SFI1: variants seen among roughly 807,000 people sequenced by gnomAD.
SFI1 encodes the protein SFI1 centrin binding protein.
In SFI1, 195 loss-of-function variants were observed where a neutral mutation model predicts 207.5. The observed-to-expected ratio is 0.94, with a 90% confidence interval of 0.84 to 1.06. SFI1 has a LOEUF of 1.06. Among genes scored for constraint, SFI1 ranks in the 50% least tolerant of loss-of-function variants. The pLI, the probability that SFI1 is intolerant of heterozygous loss-of-function variation, is 0.00. For missense variants in SFI1, 1,634 were observed against 1,588.0 expected (o/e 1.03, Z -0.49); for synonymous variants, 630 against 598.9 (o/e 1.05, Z -0.76).
intron 8 of SFI1, among the ~76,000 whole-genome samples, chr22:31,563,255 A>G (rs2061915040): frequency 6.6e-6 from 1 of 151,470 alleles, no homozygotes; most frequent in Non-Finnish European, 1.5e-5. Context: ...AGCCTCCCAA[A>G]GTGCTGGGAT....
At chr22:31,515,302 T>C (rs1236493287) in intron 2 of SFI1, among the ~76,000 whole-genome samples, 1 of 150,670 alleles carries the variant, frequency 6.6e-6, no homozygotes, top group African/African-American at 2.4e-5. Flanking sequence ...ACTAATCTGG[T>C]AGGTATGTCT....
At chr22:31,532,101 T>C (rs2147422027) in intron 4 of SFI1, among the ~76,000 whole-genome samples, 1 of 151,860 alleles carries the variant, frequency 6.6e-6, no homozygotes, top group South Asian at 2.1e-4. Context: ...TAAAAAAGAA[T>C]CATACTTAAG....
At chr22:31,616,708 C>T (rs761638456) in intron 29 of SFI1, 37 bp from the exon 30 acceptor site, 1 of 1,506,152 alleles carries the variant, frequency 6.6e-7, no homozygotes, top group African/African-American at 1.4e-5. Flanking sequence ...TTCCTCCTAG[C>T]TTCCTTGCTC....
intron 8 of SFI1, among the ~76,000 whole-genome samples, chr22:31,566,910 TTTTTTTTTTCTTTTG>T: frequency 1.4e-5 from 2 of 147,350 alleles, no homozygotes; most frequent in African/African-American, 4.9e-5. Flanking sequence ...CTATTAGGAA[TTTTTTTTTTCTTTTG>T]AGACATGTCT....
chr22:31,593,361 C>T lies in SFI1; in HGVS notation c.1544+3784C>T, dbSNP rs1483834514. On this transcript the variant is annotated intron_variant, in intron 15 of 32. Transcript: ENST00000400288. ...GGCGCTCCTCACATCCCAGATGGGA[C>T]GGCGGGGCAGAGGCGCTCCCCACAT... Among the ~76,000 whole-genome samples the T allele has an allele frequency of 8.8e-5, 12 of 136,026 alleles. 1 individual carries two copies. The highest frequency in any genetic ancestry group is 4.5e-4 in the East Asian group (2 of 4,456). The allele number at this position is 136,026 out of a possible 152,430, so 89.2% of individuals were successfully genotyped here. A position where few individuals can be genotyped will look rare whatever the true frequency, so the allele number is the denominator to read the frequency against.
rs747099863 is a variant in SFI1 at position 31,545,510 on chromosome 22, A to AT, written c.339-1342dup. ...GTAATACAGTAAGACATTGTCACAC[A>AT]TTTTTTTTTCTTATTTTTTGGGTAG... On this transcript the variant is annotated intron_variant, in intron 4 of 32. Coordinates refer to ENST00000400288, the MANE Select transcript of SFI1 (RefSeq NM_001007467.3). Among the ~76,000 whole-genome samples, 12 of 151,022 alleles carry AT rather than the reference A, an allele frequency of 7.9e-5. No homozygotes were observed. In the South Asian group the frequency reaches 8.4e-4, roughly 11 times the overall value.
rs370443385 is a variant in SFI1 at position 31,572,901 on chromosome 22, C to T, written c.766-157C>T. On this transcript the variant is annotated intron_variant, in intron 8 of 32. Coordinates refer to ENST00000400288, the MANE Select transcript of SFI1 (RefSeq NM_001007467.3). ...CCCTCTTAAAGACCCTTTTACCCCA[C>T]GGTCCCATAGCTTATCATCCTGCTA... The T allele has an allele frequency of 6.3e-4, 402 of 636,362 alleles. 1 individual carries two copies. Among genetic ancestry groups the T allele is most frequent in the Non-Finnish European group, 7.2e-5 (27 of 373,400 alleles). The allele number at this position is 636,362 out of a possible 1,614,324, so 39.4% of individuals were successfully genotyped here.
At chr22:31,568,635 A>G (rs1602941454) in intron 8 of SFI1, among the ~76,000 whole-genome samples, 2 of 151,810 alleles carry the variant, frequency 1.3e-5, no homozygotes, top group South Asian at 2.1e-4. Context: ...TCCCACTAAT[A>G]GGAACCAGGG....
intron 8 of SFI1, among the ~76,000 whole-genome samples, chr22:31,561,703 T>G (rs2061721032): frequency 6.6e-6 from 1 of 152,228 alleles, no homozygotes; most frequent in African/African-American, 2.4e-5. Context: ...CGTTGCTGTT[T>G]TCCTACAGCA....
chr22:31,532,745 G>A (rs2058642948), intron 4 of SFI1, among the ~76,000 whole-genome samples: 3 of 152,152 alleles, frequency 2.0e-5, no homozygotes, highest in African/African-American at 7.2e-5. Context: ...GCCAGGTCTA[G>A]GTCCATTCTG....
At position 31,611,979 on chromosome 22, in the gene SFI1, C is replaced by T. The variant is rs2070236766; in HGVS notation, c.2490+139C>T. The T allele has an allele frequency of 8.3e-6, 12 of 1,442,338 alleles. No homozygotes were observed. In the South Asian group the frequency reaches 1.6e-4, roughly 19 times the overall value. The allele number at this position is 1,442,338 out of a possible 1,614,324, so 89.3% of individuals were successfully genotyped here. A position where few individuals can be genotyped will look rare whatever the true frequency, so the allele number is the denominator to read the frequency against. ...CCCTCCCCAGGGCCACCTCCTCTAC[C>T]ACCTTCCTGTCATTTCCAGGCACAT... On this transcript the variant is annotated intron_variant, in intron 24 of 32. Coordinates refer to ENST00000400288, the MANE Select transcript of SFI1 (RefSeq NM_001007467.3).
chr22:31,596,636 C>CA (rs1240684157), intron 15 of SFI1, among the ~76,000 whole-genome samples: 2 of 151,790 alleles, frequency 1.3e-5, no homozygotes, highest in African/African-American at 4.8e-5. Flanking sequence ...ACTAAAAATA[C>CA]AAAAATTGGC....
Position 31,616,878 on chromosome 22 carries a change from G to A in SFI1, c.3433+1G>A, listed in dbSNP as rs2071616655. On this transcript the variant is annotated splice_donor_variant, in intron 30 of 32. Transcript: ENST00000400288. LOFTEE classifies it high-confidence loss of function. Reference sequence around the variant, plus strand: ...GCTGGGCCTGGACTTTCAACTGCAGGTGTGTACCTGGGGCCTGTCAGGGCA... The same window carrying A: ...GCTGGGCCTGGACTTTCAACTGCAGATGTGTACCTGGGGCCTGTCAGGGCA... The A allele has an allele frequency of 1.9e-6, 3 of 1,609,842 alleles. No individual in the cohort carries two copies. Among genetic ancestry groups the A allele is most frequent in the Non-Finnish European group, 2.5e-6 (3 of 1,177,814 alleles).
At chr22:31,514,570 CT>C (rs2056203633) in intron 2 of SFI1, among the ~76,000 whole-genome samples, 1 of 150,646 alleles carries the variant, frequency 6.6e-6, no homozygotes, top group Admixed American at 6.6e-5. Context: ...GCTTTGTGTC[CT>C]TTGATTACCA....
Position 31,618,233 on chromosome 22 carries a change from C to T in SFI1, c.3624+7C>T, listed in dbSNP as rs1460642046. 4 of 1,595,024 alleles carry T rather than the reference C, an allele frequency of 2.5e-6. No homozygotes were observed. The South Asian group carries it at 3.4e-5, about 14-fold the overall frequency. On this transcript the variant is annotated splice_region_variant and intron_variant, in intron 32 of 32. Coordinates refer to ENST00000400288, the MANE Select transcript of SFI1 (RefSeq NM_001007467.3). Reference sequence around the variant, plus strand: ...GCAGAAAGAGCTGGAACAGGTGAGGCCCCAGGCCATCCCCAGGTGTCCCTG... The same window carrying T: ...GCAGAAAGAGCTGGAACAGGTGAGGTCCCAGGCCATCCCCAGGTGTCCCTG...
chr22:31,500,522 A>G (rs1166873131), intron 1 of SFI1, among the ~76,000 whole-genome samples: 3 of 152,084 alleles, frequency 2.0e-5, no homozygotes, highest in African/African-American at 7.2e-5. Flanking sequence ...CATTGGCATG[A>G]TCTTGGCTCA....
In SFI1 at chr22:31,535,162, C is replaced by T. The variant is rs533695506; in HGVS notation, c.338+4033C>T. On this transcript the variant is annotated intron_variant, in intron 4 of 32. Coordinates refer to ENST00000400288, the MANE Select transcript of SFI1 (RefSeq NM_001007467.3). Reference sequence around the variant, plus strand: ...GATTACAGGCATGAGCCACGGTGCCCGGCCTCAAATGCTTTTTTATTGCTT... The same window carrying T: ...GATTACAGGCATGAGCCACGGTGCCTGGCCTCAAATGCTTTTTTATTGCTT... Among the ~76,000 whole-genome samples, 537 of 149,428 alleles carry T rather than the reference C, an allele frequency of 3.6e-3. 1 individual carries two copies. Among genetic ancestry groups the T allele is most frequent in the African/African-American group, 0.012 (489 of 40,590 alleles).
At chr22:31,593,162 G>T (rs1272803064) in intron 15 of SFI1, among the ~76,000 whole-genome samples, 3 of 149,810 alleles carry the variant, frequency 2.0e-5, no homozygotes, top group Admixed American at 2.0e-4. Context: ...TCCCGGACGG[G>T]GTGGCTGCCG....
Position 31,618,240 on chromosome 22 carries a change from C to A in SFI1, c.3624+14C>A. The A allele has an allele frequency of 6.3e-7, 1 of 1,595,852 alleles. No homozygotes were observed. The highest frequency in any genetic ancestry group is 8.5e-7 in the Non-Finnish European group (1 of 1,172,440). On this transcript the variant is annotated intron_variant, in intron 32 of 32. Transcript: ENST00000400288. ...GAGCTGGAACAGGTGAGGCCCCAGG[C>A]CATCCCCAGGTGTCCCTGGGGACGC...
Sources: gnomAD v4.1 joint callset for allele counts (sites outside exome capture counted in the v4.1 genomes callset) on GRCh38, gnomAD v4.1.1 for gene constraint, MANE v1.5 for transcripts, NCBI Gene and HGNC (gene_info 2026-07-23, HGNC 2026-07-21) for gene names.